The following ACTR6 variants were observed in gnomAD, a reference collection of about 807,000 sequenced individuals.
The protein encoded by ACTR6 is actin-related protein 6.
ACTR6 carries 50 observed loss-of-function variants against 52.5 expected under a neutral mutation model. The observed-to-expected ratio is 0.95, with a 90% CI of 0.76 to 1.20. The LOEUF (loss-of-function observed/expected upper bound fraction) is 1.20. Among genes scored for constraint, ACTR6 ranks in the 50% most tolerant of loss-of-function variants. The pLI is 0.00. For missense variants in ACTR6, 344 were observed against 472.4 expected (o/e 0.73, Z 2.52); for synonymous variants, 135 against 147.2 (o/e 0.92, Z 0.60).
intron 3 of ACTR6, among the ~76,000 whole-genome samples, chr12:100,206,834 C>CTTTT (rs757011274): frequency 2.3e-5 from 3 of 128,802 alleles, no homozygotes; most frequent in East Asian, 4.5e-4. Context: ...ACACCTGGCT[C>CTTTT]TTTTTTTTTT....
Position 100,224,016 on chromosome 12 carries a change from C to A in ACTR6, c.*101C>A. On this transcript the variant is annotated 3_prime_UTR_variant, in exon 11 of 11. Coordinates refer to ENST00000188312, the MANE Select transcript of ACTR6 (RefSeq NM_022496.5). ...GTTACCTTTTGTCCTAAGAAAAAGG[C>A]TTGAATTTATGTAAATACTTTGATC... 7.6e-7 allele frequency: 1 copy of A among 1,319,502 alleles called. No homozygotes were observed. The highest frequency in any genetic ancestry group is 1.0e-6 in the Non-Finnish European group (1 of 981,794). 81.7% of individuals were successfully genotyped at this position (1,319,502 alleles called of 1,614,324 possible).
chr12:100,222,739 G>T (rs1180453460), intron 10 of ACTR6, among the ~76,000 whole-genome samples: 1 of 152,024 alleles, frequency 6.6e-6, no homozygotes, highest in Non-Finnish European at 1.5e-5. Flanking sequence ...ACCTTTTTCA[G>T]ATTTGAAACT....
At chr12:100,211,737 G>T (rs2096120044) in intron 6 of ACTR6, among the ~76,000 whole-genome samples, 1 of 152,068 alleles carries the variant, frequency 6.6e-6, no homozygotes, top group African/African-American at 2.4e-5. Context: ...ATTATGGCCA[G>T]GTGCAGTGGC....
chr12:100,205,552 T>C (rs2096113798), intron 2 of ACTR6, 124 bp from the exon 3 acceptor site: 1 of 599,300 alleles, frequency 1.7e-6, no homozygotes, highest in Admixed American at 3.9e-5. Context: ...CTGGAAATGG[T>C]AACCATAGAT....
intron 8 of ACTR6, among the ~76,000 whole-genome samples, chr12:100,216,405 A>T (rs541469066): frequency 6.6e-6 from 1 of 152,220 alleles, no homozygotes; most frequent in Non-Finnish European, 1.5e-5. Context: ...GGCCCAAGTG[A>T]TCCTCCCGCT....
chr12:100,223,759 T>C, intron 10 of ACTR6, 27 bp from the exon 11 acceptor site: 1 of 1,584,880 alleles, frequency 6.3e-7, no homozygotes, highest in Non-Finnish European at 8.5e-7. Flanking sequence ...TAAAATCATC[T>C]GGGTTCATTT....
chr12:100,208,051 C>T, intron 4 of ACTR6: 1 of 292,248 alleles, frequency 3.4e-6, no homozygotes, highest in Non-Finnish European at 6.6e-6. Flanking sequence ...GTCCCAGCTA[C>T]TTAGGAAGCT....
intron 6 of ACTR6, among the ~76,000 whole-genome samples, chr12:100,211,137 C>T (rs1056163269): frequency 2.6e-5 from 4 of 152,096 alleles, no homozygotes; most frequent in Non-Finnish European, 5.9e-5. Context: ...TACTGACCTG[C>T]ACTTCGCGCC....
chr12:100,223,319 C>T (rs1417826612), intron 10 of ACTR6, among the ~76,000 whole-genome samples: 2 of 151,002 alleles, frequency 1.3e-5, no homozygotes, highest in South Asian at 2.1e-4. Flanking sequence ...CCAGCCTGGG[C>T]GATAGAGTGA....
In ACTR6 at chr12:100,218,447, C is replaced by T. The variant is rs1425787118; in HGVS notation, c.783C>T (p.Tyr261=). The T allele has an allele frequency of 1.9e-6, 3 of 1,610,368 alleles. No homozygotes were observed. The highest frequency in any genetic ancestry group is 2.5e-6 in the Non-Finnish European group (3 of 1,178,518). The part of the protein sequence containing the change: ...PREEMVLSGK[Y]KSGEQILRLA... Reference sequence around the variant, plus strand: ...AAGAGATGGTGTTGAGTGGAAAATACAAATCTGGGGAACAAATTCTTCGTT... The same window carrying T: ...AAGAGATGGTGTTGAGTGGAAAATATAAATCTGGGGAACAAATTCTTCGTT... Residue 261 remains tyrosine (Y), a synonymous_variant, in exon 9 of 11, where the codon TAC becomes TAT. Transcript: ENST00000188312. This position sits in a 1 kb window ranked among gnomAD's most constrained non-coding sequence, Gnocchi z 4.2.
chr12:100,200,970 A>G (rs2096109164), intron 1 of ACTR6, 51 bp downstream of exon 1: 1 of 1,612,986 alleles, frequency 6.2e-7, no homozygotes, highest in East Asian at 2.2e-5. Flanking sequence ...TAGTGGTTTC[A>G]TGTGCTACGT....
chr12:100,223,178 A>T (rs2096129660), intron 10 of ACTR6, among the ~76,000 whole-genome samples: 1 of 150,910 alleles, frequency 6.6e-6, no homozygotes, highest in African/African-American at 2.4e-5. Flanking sequence ...CCTCTACTAA[A>T]AATACAAAAA....
rs1186066223 is a variant in ACTR6 at position 100,218,472 on chromosome 12, T to C, written c.808T>C (p.Leu270=). Residue 270 remains leucine (L), a synonymous_variant, in exon 9 of 11, where the codon TTG becomes CTG. Transcript: ENST00000188312. This position sits in a 1 kb window ranked among gnomAD's most constrained non-coding sequence, Gnocchi z 4.2. ...CAAATCTGGGGAACAAATTCTTCGT[T>C]TGGCCAATGAGAGATTTGCTGTTCC... ...KYKSGEQILR[L]ANERFAVPEI... 1 of 1,610,098 alleles carries C rather than the reference T, an allele frequency of 6.2e-7. No homozygotes were observed. The highest frequency in any genetic ancestry group is 8.5e-7 in the Non-Finnish European group (1 of 1,178,344).
rs754550564 is a variant in ACTR6, at chr12:100,220,160, T to G, written c.1061+14T>G. On this transcript the variant is annotated intron_variant, in intron 10 of 10. Coordinates refer to ENST00000188312, the MANE Select transcript of ACTR6 (RefSeq NM_022496.5). Reference sequence around the variant, plus strand: ...GCTGCCTGAAAAGTAAGTGTTGTTTTATATAGAAACGAAACATGGAAGTCC... The same window carrying G: ...GCTGCCTGAAAAGTAAGTGTTGTTTGATATAGAAACGAAACATGGAAGTCC... 4.9e-5 allele frequency: 78 copies of G among 1,605,214 alleles called. No individual in the cohort carries two copies. The highest frequency in any genetic ancestry group is 5.8e-5 in the Non-Finnish European group (68 of 1,174,438).
intron 3 of ACTR6, among the ~76,000 whole-genome samples, chr12:100,206,852 G>A (rs914664316): frequency 1.3e-5 from 1 of 76,686 alleles, no homozygotes; most frequent in Non-Finnish European, 2.7e-5. Flanking sequence ...TTTTTTTTTT[G>A]TATTTTTAGT....
At chr12:100,219,956 A>G in intron 9 of ACTR6, 52 bp from the exon 10 acceptor site, 1 of 1,590,018 alleles carries the variant, frequency 6.3e-7, no homozygotes, top group Non-Finnish European at 8.6e-7. Context: ...AGAAAAGTAA[A>G]CAGATTTTCT....
intron 4 of ACTR6, chr12:100,208,020 G>T (rs959476301): frequency 2.0e-5 from 7 of 354,864 alleles, no homozygotes; most frequent in African/African-American, 1.3e-4. Context: ...AATTAGTTGG[G>T]CATGGTGACA....
chr12:100,214,905 T>C (rs1592843850), intron 8 of ACTR6, among the ~76,000 whole-genome samples: 1 of 152,202 alleles, frequency 6.6e-6, no homozygotes. Flanking sequence ...ACGGAAGGTG[T>C]ATTTTTTTTC....
intron 10 of ACTR6, 55 bp downstream of exon 10, chr12:100,220,201 G>A (rs2153901127): frequency 6.5e-7 from 1 of 1,549,736 alleles, no homozygotes; most frequent in African/African-American, 1.4e-5. Flanking sequence ...TAGAAAAGGT[G>A]GTCTGTTGAC....
Sources: allele counts gnomAD v4.1 joint callset (sites outside exome capture counted in the v4.1 genomes callset), GRCh38; gene constraint gnomAD v4.1.1; non-coding constraint Gnocchi (gnomAD v3.1); transcripts MANE v1.5; gene names NCBI Gene and HGNC (gene_info 2026-07-23, HGNC 2026-07-21).